The following CSGALNACT1 variants were observed in gnomAD, a reference collection of about 807,000 sequenced individuals.
CSGALNACT1 encodes beta4GalNAcT-1.
Under a neutral mutation model 51.0 loss-of-function variants are expected in CSGALNACT1, and 52 were observed. The observed-to-expected ratio is 1.02, with a 90% CI of 0.82 to 1.29. The LOEUF is 1.29. CSGALNACT1 is among the 50% of genes most tolerant of loss of function. CSGALNACT1 has a pLI of 0.00. For missense variants in CSGALNACT1, 935 were observed against 679.2 expected (o/e 1.38, Z -4.19); for synonymous variants, 341 against 254.4 (o/e 1.34, Z -3.24).
At chr8:19,437,016 C>T (rs184460490) in intron 6 of CSGALNACT1, among the ~76,000 whole-genome samples, 25 of 152,096 alleles carry the variant, frequency 1.6e-4, no homozygotes, top group Admixed American at 6.6e-4. Flanking sequence ...TGGTGTTGTG[C>T]TAAGTGCTGG....
chr8:19,742,095 A>C (rs2064352784), intron 1 of CSGALNACT1, among the ~76,000 whole-genome samples: 1 of 152,250 alleles, frequency 6.6e-6, no homozygotes, highest in Non-Finnish European at 1.5e-5. Flanking sequence ...TACACTAGGC[A>C]AAATATAAAT....
At chr8:19,546,861 G>A (rs930622155) in intron 3 of CSGALNACT1, among the ~76,000 whole-genome samples, 1 of 152,170 alleles carries the variant, frequency 6.6e-6, no homozygotes, top group African/African-American at 2.4e-5. Context: ...TGAGGTCCCC[G>A]GATCAGTGTC....
At chr8:19,738,904 G>A (rs11204067) in intron 1 of CSGALNACT1, among the ~76,000 whole-genome samples, 1 of 151,492 alleles carries the variant, frequency 6.6e-6, no homozygotes, top group Non-Finnish European at 1.5e-5. Context: ...ATGACAATAT[G>A]AGGAAGAGGA....
intron 1 of CSGALNACT1, among the ~76,000 whole-genome samples, chr8:19,667,258 CAAAA>C (rs928798627): frequency 2.0e-5 from 2 of 101,556 alleles, no homozygotes; most frequent in Admixed American, 1.1e-4. Context: ...CCATCTCTAC[CAAAA>C]AAAAAAAAAA....
At chr8:19,415,324 C>T (rs2056664137) in intron 8 of CSGALNACT1, among the ~76,000 whole-genome samples, 1 of 152,222 alleles carries the variant, frequency 6.6e-6, no homozygotes, top group Non-Finnish European at 1.5e-5. Flanking sequence ...CATAAGCATA[C>T]TCTTCTTTTG....
At chr8:19,753,136 G>A (rs1397506921) in intron 1 of CSGALNACT1, among the ~76,000 whole-genome samples, 2 of 152,148 alleles carry the variant, frequency 1.3e-5, no homozygotes, top group South Asian at 4.1e-4. Context: ...TGCTAGCTGG[G>A]GGTTTGAGGA....
intron 1 of CSGALNACT1, among the ~76,000 whole-genome samples, chr8:19,626,742 G>GT (rs1460530601): frequency 1.3e-5 from 2 of 152,160 alleles, no homozygotes; most frequent in Admixed American, 1.3e-4. Context: ...AACAATCTAA[G>GT]TTTTTTAGTG....
chr8:19,577,751 T>C (rs1423845427), intron 3 of CSGALNACT1, among the ~76,000 whole-genome samples: 1 of 152,042 alleles, frequency 6.6e-6, no homozygotes, highest in African/African-American at 2.4e-5. Flanking sequence ...TTTCCAGCCG[T>C]CTGACTTGAG....
At chr8:19,466,436 T>TA (rs1263348419) in intron 4 of CSGALNACT1, among the ~76,000 whole-genome samples, 2 of 152,242 alleles carry the variant, frequency 1.3e-5, no homozygotes, top group African/African-American at 4.8e-5. Flanking sequence ...CTTTGCACCA[T>TA]AAACACACAT....
In CSGALNACT1 at chr8:19,741,560, C is replaced by G. The variant is rs6995679; in HGVS notation, c.-297+16290G>C. 8.4e-4 allele frequency among the ~76,000 whole-genome samples: 91 copies of G among 108,804 alleles called. 2 individuals carry two copies. Among genetic ancestry groups the G allele is most frequent in the South Asian group, 1.4e-3 (4 of 2,774 alleles). 71.4% of individuals were successfully genotyped at this position (108,804 alleles called of 152,430 possible). A position where few individuals can be genotyped will look rare whatever the true frequency, so the allele number is the denominator to read the frequency against. On this transcript the variant is annotated intron_variant, in intron 1 of 1. Transcript: ENST00000517494. ...CCTGGGCGAAAGAGTGAGACTCCATCAAAAAAAAAAAAAAAAAAAGGGAGT... is the reference window on the plus strand; with the variant it reads ...CCTGGGCGAAAGAGTGAGACTCCATGAAAAAAAAAAAAAAAAAAAGGGAGT...
chr8:19,421,010 C>A (rs1372706756), intron 6 of CSGALNACT1, among the ~76,000 whole-genome samples: 1 of 152,210 alleles, frequency 6.6e-6, no homozygotes, highest in Non-Finnish European at 1.5e-5. Flanking sequence ...CAGATTTAAA[C>A]CCAGATTCCT....
intron 1 of CSGALNACT1, among the ~76,000 whole-genome samples, chr8:19,694,405 C>G (rs930160360): frequency 6.6e-6 from 1 of 152,176 alleles, no homozygotes; most frequent in East Asian, 1.9e-4. Context: ...TTGAATTATC[C>G]TTAACAACCA....
In CSGALNACT1 at chr8:19,471,274, T is replaced by C. The variant is rs538580016; in HGVS notation, c.635-12632A>G. Among the ~76,000 whole-genome samples the C allele has an allele frequency of 3.9e-5, 6 of 152,258 alleles. No homozygotes were observed. The South Asian group carries it at 1.2e-3, about 32-fold the overall frequency. On this transcript the variant is annotated intron_variant, in intron 4 of 9. Coordinates refer to ENST00000454498, the Ensembl canonical transcript of CSGALNACT1. ...CAAAGGGTAAGGAGAACACTGCGCA[T>C]GCGGAAAGCCTACCCTAAGGGGTGA... is the stretch of plus-strand genomic sequence containing the variant.
chr8:19,707,875 C>A (rs373794578), intron 1 of CSGALNACT1, among the ~76,000 whole-genome samples: 1 of 152,098 alleles, frequency 6.6e-6, no homozygotes, highest in Non-Finnish European at 1.5e-5. Context: ...ATGGCGCATG[C>A]CTGTAGTCCC....
intron 5 of CSGALNACT1, among the ~76,000 whole-genome samples, chr8:19,452,145 G>T (rs950760021): frequency 6.6e-6 from 1 of 152,232 alleles, no homozygotes; most frequent in African/African-American, 2.4e-5. Flanking sequence ...AGAAATGGAA[G>T]TTTCTACATT....
chr8:19,682,616 C>T (rs1030497491), upstream of CSGALNACT1: 8 of 453,892 alleles, frequency 1.8e-5, no homozygotes, highest in African/African-American at 1.6e-4. Context: ...GACTTCAGAG[C>T]CCAAAGATTG....
chr8:19,712,738 T>C (rs553589569), intron 1 of CSGALNACT1, among the ~76,000 whole-genome samples: 11 of 152,282 alleles, frequency 7.2e-5, no homozygotes, highest in Admixed American at 5.2e-4. Flanking sequence ...AATGCATGGA[T>C]GGACAGCACC....
intron 1 of CSGALNACT1, among the ~76,000 whole-genome samples, chr8:19,659,803 C>A (rs2154189651): frequency 6.6e-6 from 1 of 152,282 alleles, no homozygotes; most frequent in African/African-American, 2.4e-5. Flanking sequence ...AGACTGTGAC[C>A]AAAGCACATA....
intron 3 of CSGALNACT1, chr8:19,531,852 G>T (rs2082832066): frequency 6.6e-6 from 1 of 152,204 alleles, no homozygotes; most frequent in Non-Finnish European, 1.5e-5. Context: ...CCAGATGCAG[G>T]TACTGCCCAG....
Sources: gnomAD v4.1 joint callset for allele counts (sites outside exome capture counted in the v4.1 genomes callset) on GRCh38, gnomAD v4.1.1 for gene constraint, MANE v1.5 for transcripts, NCBI Gene and HGNC (gene_info 2026-07-23, HGNC 2026-07-21) for gene names.